Variants in LRMDA observed in about 807,000 individuals in gnomAD.
LRMDA encodes the protein leucine rich melanocyte differentiation associated, also known as leucine-rich melanocyte differentiation-associated protein.
Under a neutral mutation model 29.8 loss-of-function variants are expected in LRMDA, and 18 were observed. The observed-to-expected ratio is 0.60, with a 90% CI of 0.42 to 0.90. The LOEUF is 0.90. Among genes scored for constraint, LRMDA ranks in the 40% least tolerant of loss-of-function variants. The probability of loss-of-function intolerance (pLI) is 0.00; values close to 1 mark genes in which losing one functional copy is unlikely to be tolerated. For synonymous variants in LRMDA, 125 were observed against 109.4 expected, an observed-to-expected ratio of 1.14 and a Z score of -0.89; for missense variants, 273 against 273.9, an observed-to-expected ratio of 1.00 and a Z score of 0.02.
chr10:75,936,211 T>C (rs543347893), intron 2 of LRMDA, among the ~76,000 whole-genome samples: 1 of 152,020 alleles, frequency 6.6e-6, no homozygotes, highest in African/African-American at 2.4e-5. Context: ...GAGAAGTGGG[T>C]TTAAAAATGT....
At chr10:75,548,183 A>C (rs569511614) in intron 2 of LRMDA, among the ~76,000 whole-genome samples, 1 of 152,104 alleles carries the variant, frequency 6.6e-6, no homozygotes, top group East Asian at 1.9e-4. Context: ...TGATTAAGGA[A>C]GTTATTTTGG....
intron 5 of LRMDA, among the ~76,000 whole-genome samples, chr10:76,221,715 T>G (rs1851842087): frequency 6.6e-6 from 1 of 152,194 alleles, no homozygotes; most frequent in African/African-American, 2.4e-5. Flanking sequence ...ATAGATTCAA[T>G]GCCATCCCCA....
chr10:75,905,494 T>G (rs1276967697), intron 2 of LRMDA, among the ~76,000 whole-genome samples: 1 of 152,078 alleles, frequency 6.6e-6, no homozygotes, highest in Non-Finnish European at 1.5e-5. Flanking sequence ...TTACATCAAT[T>G]TGATCTTTAA....
Position 75,651,465 on chromosome 10 carries a change from G to A in LRMDA, c.131+212971G>A, listed in dbSNP as rs528566430. 9.8e-5 allele frequency among the ~76,000 whole-genome samples: 15 copies of A among 152,322 alleles called. No individual in the cohort carries two copies. The East Asian group carries it at 2.9e-3, about 29-fold the overall frequency. On this transcript the variant is annotated intron_variant, in intron 2 of 6. Coordinates refer to ENST00000611255, the MANE Select transcript of LRMDA (RefSeq NM_001305581.2). ...CTTAGGCTGCAGCTGGAAGTCAATA[G>A]GAAGTGTTGTGGTCTCTCACAACAA...
At chr10:76,007,399 A>AGATCTGTG (rs1195209509) in intron 2 of LRMDA, among the ~76,000 whole-genome samples, 4 of 152,010 alleles carry the variant, frequency 2.6e-5, no homozygotes, top group African/African-American at 9.7e-5. Flanking sequence ...ATTTGCTTTG[A>AGATCTGTG]GATCTGTGGC....
intron 6 of LRMDA, among the ~76,000 whole-genome samples, chr10:76,449,173 A>G (rs1842381838): frequency 6.6e-6 from 1 of 151,810 alleles, no homozygotes; most frequent in African/African-American, 2.4e-5. Context: ...ATATGTATAT[A>G]TATGAGTTTA....
chr10:76,290,411 C>CTTT (rs11321369), intron 5 of LRMDA, among the ~76,000 whole-genome samples: 310 of 76,746 alleles, frequency 4.0e-3, no homozygotes, highest in Non-Finnish European at 5.3e-3. Flanking sequence ...TTTATTTTCT[C>CTTT]TTTTTTTTTT....
chr10:76,286,632 A>G lies in LRMDA; in HGVS notation c.517-37769A>G, dbSNP rs116919157. ...CTTCAATAGCAAAAATCAACCCACC[A>G]TGGCCTAGGAAAGCTTCAAAGATTC... is the stretch of plus-strand genomic sequence containing the variant. On this transcript the variant is annotated intron_variant, in intron 5 of 6. Transcript: ENST00000611255. 3.4e-3 allele frequency among the ~76,000 whole-genome samples: 513 copies of G among 152,284 alleles called. 26 individuals carry two copies. The East Asian group carries it at 0.077, about 23-fold the overall frequency.
At chr10:75,618,374 CTCTCTCTCTATATA>C (rs1479302005) in intron 2 of LRMDA, among the ~76,000 whole-genome samples, 90 of 93,822 alleles carry the variant, frequency 9.6e-4, no homozygotes, top group East Asian at 2.5e-3. Flanking sequence ...CTCTCTCTCT[CTCTCTCTCTATATA>C]TATATATATA....
intron 4 of LRMDA, among the ~76,000 whole-genome samples, chr10:76,053,986 A>T (rs1848570481): frequency 6.6e-6 from 1 of 152,224 alleles, no homozygotes; most frequent in Non-Finnish European, 1.5e-5. Flanking sequence ...TCTCCAGGAA[A>T]TACTGATGCC....
chr10:76,143,025 C>CA (rs1850235913), intron 5 of LRMDA, among the ~76,000 whole-genome samples: 1 of 152,156 alleles, frequency 6.6e-6, no homozygotes. Flanking sequence ...ATGAACGCAT[C>CA]ATTTTTTATG....
intron 6 of LRMDA, among the ~76,000 whole-genome samples, chr10:76,461,984 C>T (rs1395958641): frequency 6.7e-6 from 1 of 150,110 alleles, no homozygotes; most frequent in Non-Finnish European, 1.5e-5. Flanking sequence ...GCTTGAACTC[C>T]CTTGAACCAG....
In LRMDA at chr10:75,753,447, C is replaced by T. The variant is rs889233637; in HGVS notation, c.132-282561C>T. ...ATTTTGATATGGTGGCCACGAAAGT[C>T]CTCTTCAAAAAGCAGGGAGCTGAAT... On this transcript the variant is annotated intron_variant, in intron 2 of 6. Transcript: ENST00000611255. Among the ~76,000 whole-genome samples the T allele has an allele frequency of 2.0e-5, 3 of 152,158 alleles. No individual in the cohort carries two copies. In the East Asian group the frequency reaches 5.8e-4, roughly 29 times the overall value.
At chr10:76,045,082 C>T (rs1169411891) in intron 3 of LRMDA, among the ~76,000 whole-genome samples, 1 of 150,422 alleles carries the variant, frequency 6.6e-6, no homozygotes, top group Admixed American at 6.6e-5. Context: ...GTTTCCCCCT[C>T]TCTTGCTAGT....
chr10:76,437,756 C>T (rs1038104197), intron 6 of LRMDA, among the ~76,000 whole-genome samples: 1 of 152,178 alleles, frequency 6.6e-6, no homozygotes, highest in African/African-American at 2.4e-5. Context: ...TTGGGATGCT[C>T]ATTTGATTGA....
chr10:76,284,656 G>A (rs1840248663), intron 5 of LRMDA, among the ~76,000 whole-genome samples: 1 of 152,048 alleles, frequency 6.6e-6, no homozygotes, highest in African/African-American at 2.4e-5. Flanking sequence ...TTAAGATAGG[G>A]ACTGATATGG....
chr10:75,863,936 T>C (rs1844977473), intron 2 of LRMDA, among the ~76,000 whole-genome samples: 1 of 152,192 alleles, frequency 6.6e-6, no homozygotes, highest in South Asian at 2.1e-4. Flanking sequence ...TGCCATTAGC[T>C]AGCTTCTAAG....
intron 5 of LRMDA, among the ~76,000 whole-genome samples, chr10:76,179,244 G>C (rs1016573962): frequency 6.6e-6 from 1 of 151,968 alleles, no homozygotes; most frequent in Non-Finnish European, 1.5e-5. Context: ...AGGAGGGGGG[G>C]GTGGTGGAGG....
chr10:75,832,097 C>T (rs1386824271), intron 2 of LRMDA, among the ~76,000 whole-genome samples: 1 of 152,208 alleles, frequency 6.6e-6, no homozygotes, highest in Admixed American at 6.5e-5. Flanking sequence ...ATTTCTGTAG[C>T]TGGCTTGAAT....
Sources: gnomAD v4.1 joint callset for allele counts (sites outside exome capture counted in the v4.1 genomes callset) on GRCh38, gnomAD v4.1.1 for gene constraint, MANE v1.5 for transcripts, NCBI Gene and HGNC (gene_info 2026-07-23, HGNC 2026-07-21) for gene names.